The following FAM171A1 variants were observed in gnomAD, a reference collection of about 807,000 sequenced individuals.
The protein encoded by FAM171A1 is protein FAM171A1.
In FAM171A1, 23 loss-of-function variants were observed where a neutral mutation model predicts 74.9. The ratio of observed to expected loss-of-function variants is 0.31; its 90% CI spans 0.22 to 0.44. The LOEUF (loss-of-function observed/expected upper bound fraction) is 0.44. Ranked by LOEUF, FAM171A1 falls within the 20% of genes least tolerant of loss-of-function variation. FAM171A1 has a pLI of 1.00. For synonymous variants in FAM171A1, 527 were observed against 505.7 expected (o/e 1.04, Z -0.57); for missense variants, 1,162 against 1,159.2 (o/e 1.00, Z -0.03).
At chr10:15,323,889 A>T (rs1014130246) in intron 1 of FAM171A1, among the ~76,000 whole-genome samples, 2 of 152,218 alleles carry the variant, frequency 1.3e-5, no homozygotes, top group Non-Finnish European at 2.9e-5. Flanking sequence ...TAAAAGCCAT[A>T]GCACCTACTT....
intron 5 of FAM171A1, 49 bp downstream of exon 5, chr10:15,248,590 G>A (rs1834464370): frequency 8.4e-6 from 13 of 1,539,386 alleles, no homozygotes; most frequent in Non-Finnish European, 1.1e-5. Context: ...AAACCAAACA[G>A]TAACGAAGCC....
rs138452184 is a variant in FAM171A1 at position 15,315,016 on chromosome 10, G to A, written c.98-30911C>T. Among the ~76,000 whole-genome samples the A allele has an allele frequency of 2.5e-3, 382 of 152,364 alleles. 1 individual carries two copies. Among genetic ancestry groups the A allele is most frequent in the African/African-American group, 8.6e-3 (357 of 41,588 alleles). On this transcript the variant is annotated intron_variant, in intron 1 of 7. Transcript: ENST00000378116. ...TCTCAGACTCCAGTTTGGAATTCGA[G>A]AAGAGGTCACCCTCAGGCCTTTTTA...
At chr10:15,218,644 G>C (rs1833997714) in intron 6 of FAM171A1, among the ~76,000 whole-genome samples, 1 of 152,054 alleles carries the variant, frequency 6.6e-6, no homozygotes, top group Non-Finnish European at 1.5e-5. Flanking sequence ...ACCTACGCTG[G>C]AGTGCAGTGA....
At chr10:15,221,396 G>A (rs912435951) in intron 5 of FAM171A1, among the ~76,000 whole-genome samples, 1 of 152,166 alleles carries the variant, frequency 6.6e-6, no homozygotes, top group Non-Finnish European at 1.5e-5. Flanking sequence ...GCATGATGGG[G>A]GCTGGTGGGA....
At position 15,214,403 on chromosome 10, in the gene FAM171A1, A is replaced by T; in HGVS notation, c.1185T>A (p.Ser395Arg). The change falls in exon 8 of 8, where the codon AGT (serine) becomes AGA (arginine). Residue 395 changes from serine (S) to arginine (R), a missense_variant. Transcript: ENST00000378116. Reference protein sequence around the residue: ...PEAPGTKELMSGVHLEMMSPG... With the variant: ...PEAPGTKELMRGVHLEMMSPG... Reference sequence around the variant, plus strand: ...GAGACATCATTTCCAAATGGACTCCACTCATCAGTTCCTTCGTGCCGGGGG... The same window carrying T: ...GAGACATCATTTCCAAATGGACTCCTCTCATCAGTTCCTTCGTGCCGGGGG... 1 of 1,614,034 alleles carries T rather than the reference A, an allele frequency of 6.2e-7. No homozygotes were observed. Among genetic ancestry groups the T allele is most frequent in the Non-Finnish European group, 8.5e-7 (1 of 1,179,984 alleles).
At chr10:15,224,994 G>A (rs1448078548) in intron 5 of FAM171A1, among the ~76,000 whole-genome samples, 1 of 152,158 alleles carries the variant, frequency 6.6e-6, no homozygotes, top group African/African-American at 2.4e-5. Flanking sequence ...ATCAAGCCCA[G>A]TGTTTTTCCA....
rs1833936167 is a variant in FAM171A1, at chr10:15,214,224, T to C, written c.1364A>G (p.Lys455Arg). ...AACCTCCACTGACTTATGGTAGTCT[T>C]TCCCCAGCGTCCCACTTGGAGTGAG... is the stretch of plus-strand genomic sequence containing the variant. ...DNLTPSGTLGKDYHKSVEVFP... is the reference protein window; with the variant it reads ...DNLTPSGTLGRDYHKSVEVFP... Residue 455 changes from lysine (K) to arginine (R), a missense_variant, in exon 8 of 8, where the codon AAA becomes AGA. Transcript: ENST00000378116. The C allele has an allele frequency of 2.5e-6, 4 of 1,614,070 alleles. No homozygotes were observed. Among genetic ancestry groups the C allele is most frequent in the Admixed American group, 1.7e-5 (1 of 60,008 alleles).
At chr10:15,369,762 G>A (rs560709761) in intron 1 of FAM171A1, among the ~76,000 whole-genome samples, 9 of 152,352 alleles carry the variant, frequency 5.9e-5, no homozygotes, top group South Asian at 2.1e-4. Context: ...CATGTTAGCC[G>A]AGGAAAGGGG....
intron 1 of FAM171A1, among the ~76,000 whole-genome samples, chr10:15,336,031 T>A (rs1835695624): frequency 6.6e-6 from 1 of 152,222 alleles, no homozygotes. Flanking sequence ...AGGAACTTAA[T>A]ACAGCATGTG....
rs1238545271 is a variant in FAM171A1, at chr10:15,371,061, CG to C, written c.-10del. On this transcript the variant is annotated 5_prime_UTR_variant, in exon 1 of 8. Transcript: ENST00000378116. Reference sequence around the variant, plus strand: ...GTCGCGGACCTGCTCATCTCCGCCGCGGGGCCGGCGGCGGCTCGGGCTCGCC... The same window carrying C: ...GTCGCGGACCTGCTCATCTCCGCCGCGGGCCGGCGGCGGCTCGGGCTCGCC... 3.7e-6 allele frequency: 4 copies of C among 1,079,332 alleles called. No homozygotes were observed. Among genetic ancestry groups the C allele is most frequent in the Middle Eastern group, 4.3e-4 (1 of 2,332 alleles). The allele number at this position is 1,079,332 out of a possible 1,614,324, so 66.9% of individuals were successfully genotyped here.
intron 5 of FAM171A1, among the ~76,000 whole-genome samples, chr10:15,226,243 G>A (rs776172792): frequency 1.3e-5 from 2 of 152,216 alleles, no homozygotes; most frequent in Non-Finnish European, 2.9e-5. Context: ...GGAGGTGGCT[G>A]GACAATGACA....
intron 5 of FAM171A1, among the ~76,000 whole-genome samples, chr10:15,230,927 T>A (rs1168472151): frequency 6.6e-6 from 1 of 152,180 alleles, no homozygotes; most frequent in East Asian, 1.9e-4. Flanking sequence ...CTGAGGCCAA[T>A]ACCCATCTTG....
At chr10:15,316,303 G>A (rs1835420786) in intron 1 of FAM171A1, among the ~76,000 whole-genome samples, 1 of 152,202 alleles carries the variant, frequency 6.6e-6, no homozygotes, top group Admixed American at 6.5e-5. Context: ...CCTCTGGAAT[G>A]CTTGAGAAGC....
intron 3 of FAM171A1, among the ~76,000 whole-genome samples, chr10:15,255,396 G>T (rs911591634): frequency 6.6e-6 from 1 of 152,196 alleles, no homozygotes; most frequent in Non-Finnish European, 1.5e-5. Context: ...CAATACCCCA[G>T]CGGCAATGAA....
At chr10:15,369,603 G>A (rs988836422) in intron 1 of FAM171A1, among the ~76,000 whole-genome samples, 12 of 152,166 alleles carry the variant, frequency 7.9e-5, no homozygotes, top group African/African-American at 2.9e-4. Context: ...GATATACCAG[G>A]AAATGATACT....
intron 1 of FAM171A1, among the ~76,000 whole-genome samples, chr10:15,328,418 A>G (rs2131855677): frequency 6.6e-6 from 1 of 152,336 alleles, no homozygotes; most frequent in African/African-American, 2.4e-5. Flanking sequence ...AGGTGCTGGG[A>G]TTACAGGCAT....
At chr10:15,372,714 A>T (rs1221752191), upstream of FAM171A1, among the ~76,000 whole-genome samples, 1 of 151,450 alleles carries the variant, frequency 6.6e-6, no homozygotes, top group Non-Finnish European at 1.5e-5. Flanking sequence ...AAAAAAAAAA[A>T]AAAAATCAAA....
At chr10:15,307,750 T>C (rs1157493365) in intron 1 of FAM171A1, among the ~76,000 whole-genome samples, 2 of 151,432 alleles carry the variant, frequency 1.3e-5, no homozygotes, top group Non-Finnish European at 2.9e-5. Flanking sequence ...GATGTTTCCT[T>C]CCTAATCAAC....
chr10:15,319,605 G>A (rs1352542863), intron 1 of FAM171A1, among the ~76,000 whole-genome samples: 2 of 152,064 alleles, frequency 1.3e-5, no homozygotes, highest in African/African-American at 2.4e-5. Flanking sequence ...GCTAATTTTT[G>A]TCTATTTTGT....
Sources: allele counts gnomAD v4.1 joint callset (sites outside exome capture counted in the v4.1 genomes callset), GRCh38; gene constraint gnomAD v4.1.1; transcripts MANE v1.5; gene names NCBI Gene and HGNC (gene_info 2026-07-23, HGNC 2026-07-21).